Variants in GALNT17 observed in about 807,000 individuals in gnomAD.
The protein encoded by GALNT17 is polypeptide N-acetylgalactosaminyltransferase 17.
Under a neutral mutation model 63.7 loss-of-function variants are expected in GALNT17, and 29 were observed. The observed-to-expected ratio is 0.46, with a 90% CI of 0.34 to 0.62. The LOEUF is 0.62. GALNT17 is among the 20% of genes least tolerant of loss of function. The pLI, the probability that GALNT17 is intolerant of heterozygous loss-of-function variation, is 0.01. For missense variants in GALNT17, 603 were observed against 799.6 expected (o/e 0.75, Z 2.97); for synonymous variants, 305 against 318.3 (o/e 0.96, Z 0.45).
At chr7:71,593,913 G>T (rs559270629) in intron 6 of GALNT17, among the ~76,000 whole-genome samples, 1 of 152,140 alleles carries the variant, frequency 6.6e-6, no homozygotes, top group East Asian at 1.9e-4. Context: ...CTGGGGGCGC[G>T]TTCAGATTCC....
intron 5 of GALNT17, among the ~76,000 whole-genome samples, chr7:71,552,895 G>A (rs187122513): frequency 4.3e-4 from 66 of 152,248 alleles, no homozygotes; most frequent in African/African-American, 1.4e-3. Context: ...TCTCAGTCCC[G>A]CTTTATGGAC....
At chr7:71,206,809 C>G (rs190665688) in intron 1 of GALNT17, among the ~76,000 whole-genome samples, 169 of 152,162 alleles carry the variant, frequency 1.1e-3, no homozygotes, top group African/African-American at 3.9e-3. Context: ...CTTTTCTAGT[C>G]AAGACTGATC....
At chr7:71,287,911 G>A (rs1360412922) in intron 1 of GALNT17, among the ~76,000 whole-genome samples, 1 of 151,960 alleles carries the variant, frequency 6.6e-6, no homozygotes, top group African/African-American at 2.4e-5. Flanking sequence ...AATTAGCTGG[G>A]CGTGGTGGTG....
intron 5 of GALNT17, among the ~76,000 whole-genome samples, chr7:71,567,488 G>A (rs189292105): frequency 2.8e-4 from 43 of 152,230 alleles, no homozygotes; most frequent in Admixed American, 5.2e-4. Context: ...TGTTTGAGAC[G>A]GAGTCTCGCT....
chr7:71,150,807 A>G (rs140424175), intron 1 of GALNT17, among the ~76,000 whole-genome samples: 106 of 151,540 alleles, frequency 7.0e-4, no homozygotes, highest in African/African-American at 2.2e-3. Flanking sequence ...TTTACCTTTC[A>G]ATGATGGCCT....
intron 5 of GALNT17, among the ~76,000 whole-genome samples, chr7:71,455,599 T>C (rs2116564060): frequency 6.6e-6 from 1 of 152,192 alleles, no homozygotes; most frequent in Middle Eastern, 3.4e-3. Context: ...GAAAGCGCTG[T>C]GCCAGACCCC....
At chr7:71,643,080 A>G (rs1397593676) in intron 6 of GALNT17, among the ~76,000 whole-genome samples, 2 of 152,126 alleles carry the variant, frequency 1.3e-5, no homozygotes, top group Non-Finnish European at 2.9e-5. Flanking sequence ...TGGCGCTTCA[A>G]ATTTTCCAGG....
chr7:71,706,372 C>A (rs1791722554), intron 9 of GALNT17, among the ~76,000 whole-genome samples: 1 of 152,160 alleles, frequency 6.6e-6, no homozygotes, highest in Non-Finnish European at 1.5e-5. Flanking sequence ...GAAAGGAGAA[C>A]CTCTAACTCC....
At chr7:71,385,921 G>A (rs1329637228) in intron 2 of GALNT17, among the ~76,000 whole-genome samples, 2 of 152,150 alleles carry the variant, frequency 1.3e-5, no homozygotes, top group Non-Finnish European at 2.9e-5. Context: ...ACAAAAATTG[G>A]CCAGGTGTGG....
rs1197124023 is a variant in GALNT17, at chr7:71,677,197, G to C, written c.1405-14G>C. 9 of 1,613,460 alleles carry C rather than the reference G, an allele frequency of 5.6e-6. No individual in the cohort carries two copies. Among genetic ancestry groups the C allele is most frequent in the Non-Finnish European group, 7.6e-6 (9 of 1,179,668 alleles). On this transcript the variant is annotated splice_polypyrimidine_tract_variant and intron_variant, in intron 8 of 10. Transcript: ENST00000333538. ...GCTGAGCTCTCATGGGTCGTGTTTT[G>C]TCTATTCTTGCAGCTTCGCAACAAC...
At chr7:71,618,900 A>G (rs1252684420) in intron 6 of GALNT17, among the ~76,000 whole-genome samples, 1 of 152,152 alleles carries the variant, frequency 6.6e-6, no homozygotes, top group African/African-American at 2.4e-5. Flanking sequence ...TGATGCTGAG[A>G]AGAGTATTTC....
chr7:71,285,201 A>C (rs917207503), intron 1 of GALNT17, among the ~76,000 whole-genome samples: 2 of 152,028 alleles, frequency 1.3e-5, no homozygotes, highest in African/African-American at 4.8e-5. Context: ...TTTTTTTCCT[A>C]CCTTCTTTGA....
intron 5 of GALNT17, among the ~76,000 whole-genome samples, chr7:71,492,345 A>G (rs1788025436): frequency 6.6e-6 from 1 of 152,302 alleles, no homozygotes; most frequent in South Asian, 2.1e-4. Context: ...AATAGTGTTC[A>G]TGTGTTCATG....
At chr7:71,379,244 CAGTTCTAGGAAATAACAAAT>C (rs1417950369) in intron 2 of GALNT17, among the ~76,000 whole-genome samples, 1 of 152,090 alleles carries the variant, frequency 6.6e-6, no homozygotes, top group East Asian at 1.9e-4. Flanking sequence ...ACAGCATTCT[CAGTTCTAGGAAATAACAAAT>C]TCATAGTGGC....
chr7:71,383,458 A>G (rs1386029502), intron 2 of GALNT17, among the ~76,000 whole-genome samples: 1 of 152,158 alleles, frequency 6.6e-6, no homozygotes, highest in Non-Finnish European at 1.5e-5. Flanking sequence ...ATTGTTATTG[A>G]GACTGAGTCT....
At chr7:71,181,264 A>AT (rs1392416927) in intron 1 of GALNT17, among the ~76,000 whole-genome samples, 2 of 151,434 alleles carry the variant, frequency 1.3e-5, no homozygotes, top group African/African-American at 4.9e-5. Flanking sequence ...AAAAAAAAAA[A>AT]AAAAGTAATG....
At chr7:71,631,846 C>T (rs78187221) in intron 6 of GALNT17, among the ~76,000 whole-genome samples, 9 of 152,172 alleles carry the variant, frequency 5.9e-5, no homozygotes, top group South Asian at 4.1e-4. Context: ...TAATTCTGCA[C>T]GTGTCTGTGC....
chr7:71,348,648 A>G (rs1161427246), intron 2 of GALNT17, among the ~76,000 whole-genome samples: 1 of 152,192 alleles, frequency 6.6e-6, no homozygotes, highest in Non-Finnish European at 1.5e-5. Flanking sequence ...GGAATTCGCG[A>G]TTTATTAGTT....
At chr7:71,619,554 A>G (rs1049277635) in intron 6 of GALNT17, among the ~76,000 whole-genome samples, 2 of 151,132 alleles carry the variant, frequency 1.3e-5, no homozygotes, top group Non-Finnish European at 3.0e-5. Context: ...CTTTGTGGCT[A>G]TTTTAAGTAG....
Sources: allele counts gnomAD v4.1 joint callset (sites outside exome capture counted in the v4.1 genomes callset), GRCh38; gene constraint gnomAD v4.1.1; transcripts MANE v1.5; gene names NCBI Gene and HGNC (gene_info 2026-07-23, HGNC 2026-07-21).